The following LCLAT1 variants were observed in gnomAD, a reference collection of about 807,000 sequenced individuals.
The protein encoded by LCLAT1 is 1-AGP acyltransferase 8.
LCLAT1 carries 11 observed loss-of-function variants against 30.7 expected under a neutral mutation model. That is an observed-to-expected ratio of 0.36 (90% CI 0.23 to 0.59). The LOEUF (loss-of-function observed/expected upper bound fraction) is 0.59. Among genes scored for constraint, LCLAT1 ranks in the 20% least tolerant of loss-of-function variants. The probability of loss-of-function intolerance (pLI) is 0.77; values close to 1 mark genes in which losing one functional copy is unlikely to be tolerated. For missense variants in LCLAT1, 402 were observed against 458.6 expected, an observed-to-expected ratio of 0.88 and a Z score of 1.13; for synonymous variants, 155 against 151.3, an observed-to-expected ratio of 1.02 and a Z score of -0.18.
At chr2:30,623,427 C>T (rs1393154931) in intron 5 of LCLAT1, among the ~76,000 whole-genome samples, 1 of 152,028 alleles carries the variant, frequency 6.6e-6, no homozygotes, top group Non-Finnish European at 1.5e-5. Flanking sequence ...AGATAAAAAA[C>T]AACTTCTGGA....
At chr2:30,505,453 T>A (rs1425040002) in intron 1 of LCLAT1, among the ~76,000 whole-genome samples, 7 of 152,132 alleles carry the variant, frequency 4.6e-5, no homozygotes, top group Admixed American at 4.6e-4. Flanking sequence ...GCATTTGTAT[T>A]TTCTTCCTAT....
chr2:30,584,427 C>T (rs1666340538), intron 5 of LCLAT1, among the ~76,000 whole-genome samples: 1 of 152,094 alleles, frequency 6.6e-6, no homozygotes, highest in South Asian at 2.1e-4. Flanking sequence ...AGGAAGGCTT[C>T]TTGTTGACTT....
At chr2:30,605,493 C>CT (rs1399546905) in intron 5 of LCLAT1, among the ~76,000 whole-genome samples, 5 of 152,154 alleles carry the variant, frequency 3.3e-5, no homozygotes, top group South Asian at 2.1e-4. Flanking sequence ...TTTATTCAGA[C>CT]TTTCTCTTTG....
At position 30,632,026 on chromosome 2, in the gene LCLAT1, T is replaced by C. The variant is rs147378930; in HGVS notation, c.629-8091T>C. On this transcript the variant is annotated intron_variant, in intron 5 of 5. Coordinates refer to ENST00000379509, the MANE Select transcript of LCLAT1 (RefSeq NM_001002257.3). The stretch of plus-strand genomic sequence containing the variant: ...TGAAGATCCAGAGAACCAGTATTCA[T>C]TGGGAGAGATAAACAGCACTGAAAA... Among the ~76,000 whole-genome samples the C allele has an allele frequency of 3.9e-3, 587 of 152,296 alleles. 1 individual carries two copies. The highest frequency in any genetic ancestry group is 0.013 in the African/African-American group (556 of 41,548).
chr2:30,551,646 G>T (rs1664685826), intron 3 of LCLAT1, among the ~76,000 whole-genome samples: 1 of 152,106 alleles, frequency 6.6e-6, no homozygotes, highest in African/African-American at 2.4e-5. Flanking sequence ...GGCATTGGCA[G>T]GACTGGTTTC....
intron 1 of LCLAT1, among the ~76,000 whole-genome samples, chr2:30,470,453 G>A (rs1682719158): frequency 6.6e-6 from 1 of 152,194 alleles, no homozygotes; most frequent in Admixed American, 6.5e-5. Context: ...CTCTAAACAA[G>A]GAGGGGGTTA....
At chr2:30,537,949 C>T (rs1357450252) in intron 3 of LCLAT1, among the ~76,000 whole-genome samples, 5 of 151,764 alleles carry the variant, frequency 3.3e-5, no homozygotes, top group African/African-American at 9.7e-5. Flanking sequence ...TGTACCAATA[C>T]TTGGAAATTA....
chr2:30,501,076 C>CTGTGTGTG (rs1553362946), intron 1 of LCLAT1, among the ~76,000 whole-genome samples: 22 of 146,496 alleles, frequency 1.5e-4, no homozygotes, highest in African/African-American at 5.2e-4. Context: ...TTGTTTTGTT[C>CTGTGTGTG]TGTGTGTGTG....
intron 1 of LCLAT1, among the ~76,000 whole-genome samples, chr2:30,488,406 A>G (rs2148322605): frequency 6.6e-6 from 1 of 152,380 alleles, no homozygotes; most frequent in Non-Finnish European, 1.5e-5. Context: ...CTTCATGCTC[A>G]GTAATGACTG....
chr2:30,534,163 C>T (rs1378999789), intron 3 of LCLAT1, among the ~76,000 whole-genome samples: 2 of 151,688 alleles, frequency 1.3e-5, no homozygotes, highest in Admixed American at 1.3e-4. Context: ...AAAGGGCAGG[C>T]CCTCACAGGA....
chr2:30,482,832 A>G (rs1683384437), intron 1 of LCLAT1, among the ~76,000 whole-genome samples: 2 of 152,014 alleles, frequency 1.3e-5, no homozygotes. Flanking sequence ...TTTGGATTAC[A>G]GGAAATTGTT....
At chr2:30,524,636 A>G (rs1240161869) in intron 1 of LCLAT1, among the ~76,000 whole-genome samples, 1 of 152,204 alleles carries the variant, frequency 6.6e-6, no homozygotes, top group East Asian at 1.9e-4. Flanking sequence ...TGTCCAGTGC[A>G]TTGATACAAT....
intron 5 of LCLAT1, among the ~76,000 whole-genome samples, chr2:30,630,083 T>A (rs1668698914): frequency 6.6e-6 from 1 of 152,150 alleles, no homozygotes; most frequent in South Asian, 2.1e-4. Context: ...GATCATGTGT[T>A]GGCGAGGTCA....
At chr2:30,525,160 AGT>A (rs1304382479) in intron 1 of LCLAT1, among the ~76,000 whole-genome samples, 1 of 151,940 alleles carries the variant, frequency 6.6e-6, no homozygotes, top group Non-Finnish European at 1.5e-5. Context: ...GCTGGAGTGC[AGT>A]GGTGCGATCT....
At chr2:30,537,197 AG>A in intron 3 of LCLAT1, among the ~76,000 whole-genome samples, 1 of 151,962 alleles carries the variant, frequency 6.6e-6, no homozygotes, top group Admixed American at 6.6e-5. Context: ...CTGGCTAACA[AG>A]GTGAAACCCC....
Position 30,461,770 on chromosome 2 carries a change from C to CCTTTTT in LCLAT1, c.-5+14387_-5+14388insCTTTTT, listed in dbSNP as rs760622200. 9.5e-4 allele frequency among the ~76,000 whole-genome samples: 125 copies of CCTTTTT among 131,732 alleles called. 2 individuals are homozygous for CCTTTTT. The highest frequency in any genetic ancestry group is 2.5e-3 in the East Asian group (11 of 4,338). 86.4% of individuals were successfully genotyped at this position (131,732 alleles called of 152,430 possible). A position where few individuals can be genotyped will look rare whatever the true frequency, so the allele number is the denominator to read the frequency against. ...TGTGGACCACTTTTTCTAAATTAAA[C>CCTTTTT]TTTTTTTTTTTTTTTTTTGAGACGG... On this transcript the variant is annotated intron_variant, in intron 1 of 5. Coordinates refer to ENST00000379509, the MANE Select transcript of LCLAT1 (RefSeq NM_001002257.3).
rs1263366590 is a variant in LCLAT1 at position 30,538,630 on chromosome 2, C to T, written c.364+5316C>T. Among the ~76,000 whole-genome samples, 5 of 149,302 alleles carry T rather than the reference C, an allele frequency of 3.3e-5. No individual in the cohort carries two copies. The East Asian group carries it at 9.8e-4, about 29-fold the overall frequency. The stretch of plus-strand genomic sequence containing the variant: ...AGCGTGGGGTGACAGAGCCAGACTC[C>T]ATCTCAAAAAAAAATAAAAAATAAA... On this transcript the variant is annotated intron_variant, in intron 3 of 5. Coordinates refer to ENST00000379509, the MANE Select transcript of LCLAT1 (RefSeq NM_001002257.3).
Position 30,447,283 on chromosome 2 carries a change from GA to G in LCLAT1, c.-103del, listed in dbSNP as rs1344123619. 2 of 151,996 alleles carry G rather than the reference GA, an allele frequency of 1.3e-5. No individual in the cohort carries two copies. Among genetic ancestry groups the G allele is most frequent in the Non-Finnish European group, 2.9e-5 (2 of 68,038 alleles). 9.4% of individuals were successfully genotyped at this position (151,996 alleles called of 1,614,324 possible). ...GCCGGACGCCTCCGCGTTACGGGAT[GA>G]ATTAACGGCGGGTTCCGCACGGAGG... On this transcript the variant is annotated 5_prime_UTR_variant, in exon 1 of 6. An upstream open reading frame in the 5' UTR loses its in-frame stop. Coordinates refer to ENST00000379509, the MANE Select transcript of LCLAT1 (RefSeq NM_001002257.3).
intron 3 of LCLAT1, among the ~76,000 whole-genome samples, chr2:30,537,342 C>G (rs113809102): frequency 6.6e-6 from 1 of 150,734 alleles, no homozygotes; most frequent in African/African-American, 2.4e-5. Context: ...GATTGCGCCA[C>G]TGCAGTCCGC....
Sources: gnomAD v4.1 joint callset for allele counts (sites outside exome capture counted in the v4.1 genomes callset) on GRCh38, gnomAD v4.1.1 for gene constraint, MANE v1.5 for transcripts, NCBI Gene and HGNC (gene_info 2026-07-23, HGNC 2026-07-21) for gene names.